The following NKAIN3 variants were observed in gnomAD, a reference collection of about 807,000 sequenced individuals.
NKAIN3 encodes sodium/potassium transporting ATPase interacting 3.
In NKAIN3, 25 loss-of-function variants were observed where a neutral mutation model predicts 30.2. That is an observed-to-expected ratio of 0.83 (90% CI 0.60 to 1.16). The LOEUF (loss-of-function observed/expected upper bound fraction) is 1.16, where lower values mean the gene tolerates loss of function less well. Among genes scored for constraint, NKAIN3 ranks in the 50% most tolerant of loss-of-function variants. The pLI, the probability that NKAIN3 is intolerant of heterozygous loss-of-function variation, is 0.00. For synonymous variants in NKAIN3, 91 were observed against 89.6 expected, an observed-to-expected ratio of 1.02 and a Z score of -0.09; for missense variants, 225 against 254.1, an observed-to-expected ratio of 0.89 and a Z score of 0.78.
chr8:62,875,987 T>C (rs1820783460), intron 4 of NKAIN3, among the ~76,000 whole-genome samples: 1 of 151,990 alleles, frequency 6.6e-6, no homozygotes, highest in Admixed American at 6.6e-5. Flanking sequence ...GAGATCTAAT[T>C]AAACTAAAGA....
intron 1 of NKAIN3, among the ~76,000 whole-genome samples, chr8:62,318,397 A>T (rs1280727149): frequency 1.3e-5 from 2 of 152,302 alleles, no homozygotes; most frequent in East Asian, 3.9e-4. Context: ...GAATGCTTCC[A>T]GTTTTTGCCC....
chr8:62,804,475 A>G (rs1337321302), intron 4 of NKAIN3, among the ~76,000 whole-genome samples: 1 of 152,224 alleles, frequency 6.6e-6, no homozygotes, highest in African/African-American at 2.4e-5. Flanking sequence ...CTTCATCCCT[A>G]GGATGCAAGG....
At chr8:62,439,181 T>C (rs1805253474) in intron 1 of NKAIN3, among the ~76,000 whole-genome samples, 1 of 152,198 alleles carries the variant, frequency 6.6e-6, no homozygotes, top group African/African-American at 2.4e-5. Context: ...ATGCTGGATA[T>C]GGTCCACATT....
intron 3 of NKAIN3, among the ~76,000 whole-genome samples, chr8:62,672,211 C>T (rs1258544451): frequency 6.6e-6 from 1 of 152,170 alleles, no homozygotes; most frequent in East Asian, 1.9e-4. Context: ...GTTCAAGGTT[C>T]ACCCATGCCA....
chr8:62,794,587 G>A (rs539174306), intron 4 of NKAIN3, among the ~76,000 whole-genome samples: 13 of 152,276 alleles, frequency 8.5e-5, no homozygotes, highest in African/African-American at 3.1e-4. Context: ...AGGGTAGCGA[G>A]CAGGAGAAAC....
chr8:62,438,902 G>T (rs1805244836), intron 1 of NKAIN3, among the ~76,000 whole-genome samples: 1 of 152,154 alleles, frequency 6.6e-6, no homozygotes, highest in South Asian at 2.1e-4. Context: ...TCATTCTCAA[G>T]AGCTCAGATA....
At chr8:62,993,553 T>C (rs1304425593) in intron 5 of NKAIN3, among the ~76,000 whole-genome samples, 8 of 152,114 alleles carry the variant, frequency 5.3e-5, no homozygotes, top group Non-Finnish European at 5.9e-5. Flanking sequence ...GCCCCCTTTC[T>C]CCCGGCACTG....
intron 1 of NKAIN3, among the ~76,000 whole-genome samples, chr8:62,282,837 C>T (rs1813248765): frequency 6.6e-6 from 1 of 152,140 alleles, no homozygotes; most frequent in Non-Finnish European, 1.5e-5. Flanking sequence ...ATTGTGTTTC[C>T]CTCAGGTAAG....
At chr8:62,380,934 AT>A (rs997370116) in intron 1 of NKAIN3, among the ~76,000 whole-genome samples, 2 of 151,822 alleles carry the variant, frequency 1.3e-5, no homozygotes, top group African/African-American at 2.4e-5. Context: ...ATGGTAATGG[AT>A]TTTTTTTCCC....
chr8:62,472,676 G>A (rs1188582810), intron 1 of NKAIN3, among the ~76,000 whole-genome samples: 5 of 152,162 alleles, frequency 3.3e-5, no homozygotes, highest in African/African-American at 9.7e-5. Flanking sequence ...GTGGGATCCA[G>A]GGAAGAATAA....
chr8:62,249,714 G>T (rs1026213328), intron 1 of NKAIN3, among the ~76,000 whole-genome samples: 5 of 152,214 alleles, frequency 3.3e-5, no homozygotes, highest in Non-Finnish European at 5.9e-5. Context: ...TGCCCTTCCA[G>T]TTCCGCTTTG....
chr8:62,661,698 C>T (rs1032568465), intron 3 of NKAIN3, among the ~76,000 whole-genome samples: 1 of 152,184 alleles, frequency 6.6e-6, no homozygotes, highest in Non-Finnish European at 1.5e-5. Flanking sequence ...TCCCATGTCT[C>T]ATATAAGGGC....
At chr8:62,251,481 TGC>T (rs1241911568) in intron 1 of NKAIN3, among the ~76,000 whole-genome samples, 16 of 152,312 alleles carry the variant, frequency 1.1e-4, no homozygotes, top group African/African-American at 3.8e-4. Context: ...CTGACATGAA[TGC>T]TGGTGAATAT....
chr8:62,343,360 A>G (rs1358419422), intron 1 of NKAIN3, among the ~76,000 whole-genome samples: 3 of 152,044 alleles, frequency 2.0e-5, no homozygotes, highest in African/African-American at 7.2e-5. Flanking sequence ...CTGAGTTGTC[A>G]TTATTATTTT....
chr8:62,718,286 T>C (rs1406816508), intron 3 of NKAIN3, among the ~76,000 whole-genome samples: 1 of 152,138 alleles, frequency 6.6e-6, no homozygotes, highest in Non-Finnish European at 1.5e-5. Flanking sequence ...ACCTTATCAA[T>C]AAAGGCTGAG....
At chr8:62,376,294 C>G (rs1489626330) in intron 1 of NKAIN3, among the ~76,000 whole-genome samples, 2 of 152,184 alleles carry the variant, frequency 1.3e-5, no homozygotes, top group East Asian at 3.8e-4. Context: ...ATATAATACT[C>G]TCTGCAGAAA....
intron 1 of NKAIN3, among the ~76,000 whole-genome samples, chr8:62,320,666 T>C (rs1398005090): frequency 6.6e-6 from 1 of 152,232 alleles, no homozygotes; most frequent in Non-Finnish European, 1.5e-5. Context: ...TGGCCCCCAC[T>C]CTCTTCTGGC....
chr8:62,689,395 C>T (rs1212668563), intron 3 of NKAIN3, among the ~76,000 whole-genome samples: 1 of 152,140 alleles, frequency 6.6e-6, no homozygotes, highest in Non-Finnish European at 1.5e-5. Flanking sequence ...GATTTTATCT[C>T]ACATTGTTCA....
At chr8:62,305,311 C>CCCA (rs1261760899) in intron 1 of NKAIN3, among the ~76,000 whole-genome samples, 1 of 150,194 alleles carries the variant, frequency 6.7e-6, no homozygotes, top group Non-Finnish European at 1.5e-5. Context: ...GATCATTCAA[C>CCCA]AGAAATTGGG....
Sources: allele counts gnomAD v4.1 joint callset (sites outside exome capture counted in the v4.1 genomes callset), GRCh38; gene constraint gnomAD v4.1.1; transcripts MANE v1.5; gene names NCBI Gene and HGNC (gene_info 2026-07-23, HGNC 2026-07-21).